ABLIM1: variants seen among roughly 807,000 people sequenced by gnomAD.
ABLIM1 encodes actin-binding LIM protein 1.
ABLIM1 carries 40 observed loss-of-function variants against 107.0 expected under a neutral mutation model. That is an observed-to-expected ratio of 0.37 (90% confidence interval 0.29 to 0.49). The LOEUF (loss-of-function observed/expected upper bound fraction) is 0.49, where lower values mean the gene tolerates loss of function less well. Ranked by LOEUF, ABLIM1 falls within the 20% of genes least tolerant of loss-of-function variation. ABLIM1 has a pLI of 0.97. For synonymous variants in ABLIM1, 357 were observed against 357.3 expected (o/e 1.00, Z 0.01); for missense variants, 857 against 1,008.5 (o/e 0.85, Z 2.04).
the ABLIM1 span, among the ~76,000 whole-genome samples, chr10:114,773,705 G>A: frequency 1.3e-5 from 2 of 152,168 alleles, no homozygotes; most frequent in Non-Finnish European, 2.9e-5. Context: ...CTGGGCTACA[G>A]AGAGAGACTC....
intron 8 of ABLIM1, among the ~76,000 whole-genome samples, chr10:114,476,128 C>A (rs1050003117): frequency 1.2e-4 from 18 of 152,134 alleles, no homozygotes; most frequent in Non-Finnish European, 1.9e-4. Context: ...CAGCCAATGC[C>A]CCTGGTATCT....
chr10:114,437,404 C>T (rs1057412451), intron 22 of ABLIM1, among the ~76,000 whole-genome samples: 1 of 151,386 alleles, frequency 6.6e-6, no homozygotes, highest in Non-Finnish European at 1.5e-5. Context: ...TTGCAACCTC[C>T]ACCTCCTGGA....
chr10:114,614,591 C>T (rs1026433882), intron 1 of ABLIM1, among the ~76,000 whole-genome samples: 7 of 152,154 alleles, frequency 4.6e-5, no homozygotes, highest in African/African-American at 1.7e-4. Context: ...CAGATCAATG[C>T]CCCACTCACA....
chr10:114,642,005 C>A (rs1190934791), intron 1 of ABLIM1, among the ~76,000 whole-genome samples: 1 of 152,122 alleles, frequency 6.6e-6, no homozygotes, highest in Non-Finnish European at 1.5e-5. Flanking sequence ...ACGTCAGCCT[C>A]CCAAGTAGCT....
chr10:114,587,913 C>A (rs2139478227), intron 2 of ABLIM1, among the ~76,000 whole-genome samples: 1 of 152,308 alleles, frequency 6.6e-6, no homozygotes, highest in African/African-American at 2.4e-5. Flanking sequence ...CACAAGTAAG[C>A]ACCTTGCTCT....
chr10:114,547,185 A>G (rs2067466893), intron 5 of ABLIM1, among the ~76,000 whole-genome samples: 1 of 151,298 alleles, frequency 6.6e-6, no homozygotes, highest in Non-Finnish European at 1.5e-5. Context: ...CACTTCCTTA[A>G]CTGTAGCTAT....
At chr10:114,439,967 C>T in intron 20 of ABLIM1, 115 bp downstream of exon 20, 1 of 1,548,154 alleles carries the variant, frequency 6.5e-7, no homozygotes, top group African/African-American at 1.4e-5. Flanking sequence ...CTAGAGAGAT[C>T]AACCACAACA....
At position 114,611,332 on chromosome 10, in the gene ABLIM1, TG is replaced by T. The variant is rs1364999388; in HGVS notation, c.245-9372del. On this transcript the variant is annotated intron_variant, in intron 1 of 22. Coordinates refer to ENST00000533213, the MANE Select transcript of ABLIM1 (RefSeq NM_002313.7). Reference sequence around the variant, plus strand: ...AAATACAAAAGTTAGCCAGGCATGATGGCAGGTGCCTGTACTCTAGATGGCA... The same window carrying T: ...AAATACAAAAGTTAGCCAGGCATGATGCAGGTGCCTGTACTCTAGATGGCA... 5.3e-5 allele frequency among the ~76,000 whole-genome samples: 8 copies of T among 152,100 alleles called. 1 individual carries two copies. Among genetic ancestry groups the T allele is most frequent in the South Asian group, 4.2e-4 (2 of 4,800 alleles).
intron 4 of ABLIM1, among the ~76,000 whole-genome samples, chr10:114,558,913 CTGTG>C (rs377741805): frequency 6.7e-6 from 1 of 149,112 alleles, no homozygotes; most frequent in South Asian, 2.1e-4. Context: ...GTGTGTGTGT[CTGTG>C]TGTGTGTGTG....
intron 7 of ABLIM1, among the ~76,000 whole-genome samples, chr10:114,489,522 AC>A (rs2058647464): frequency 6.6e-6 from 1 of 152,176 alleles, no homozygotes; most frequent in Non-Finnish European, 1.5e-5. Context: ...AAATAAACAA[AC>A]AAAAAATTCA....
intron 6 of ABLIM1, among the ~76,000 whole-genome samples, chr10:114,494,840 C>T (rs1448542465): frequency 6.6e-6 from 1 of 152,202 alleles, no homozygotes; most frequent in Non-Finnish European, 1.5e-5. Context: ...TCTCTCTAAT[C>T]CTCAGCTTCC....
At chr10:114,605,059 CTG>C (rs1172097116) in intron 1 of ABLIM1, among the ~76,000 whole-genome samples, 1 of 152,234 alleles carries the variant, frequency 6.6e-6, no homozygotes, top group Non-Finnish European at 1.5e-5. Flanking sequence ...ACAGACTAGA[CTG>C]TGTTTACTTG....
intron 6 of ABLIM1, among the ~76,000 whole-genome samples, chr10:114,527,963 G>A (rs1212335777): frequency 1.3e-5 from 2 of 151,320 alleles, no homozygotes; most frequent in East Asian, 1.9e-4. Flanking sequence ...TCAGCCTCCT[G>A]AGTAGCTGGG....
Position 114,464,600 on chromosome 10 carries a change from G to C in ABLIM1, c.1441+1098C>G, listed in dbSNP as rs547837610. ...ATGAAATAAAGGAAAAAAAATTCCTGAGAACTTTCATTTAATGTAATTCAA... is the reference window on the plus strand; with the variant it reads ...ATGAAATAAAGGAAAAAAAATTCCTCAGAACTTTCATTTAATGTAATTCAA... On this transcript the variant is annotated intron_variant, in intron 12 of 22. Coordinates refer to ENST00000533213, the MANE Select transcript of ABLIM1 (RefSeq NM_002313.7). 9.3e-4 allele frequency among the ~76,000 whole-genome samples: 142 copies of C among 152,286 alleles called. 1 individual carries two copies. The South Asian group carries it at 0.028, about 30-fold the overall frequency.
chr10:114,448,094 T>C, intron 14 of ABLIM1, 74 bp from the exon 15 acceptor site: 1 of 1,581,354 alleles, frequency 6.3e-7, no homozygotes, highest in Non-Finnish European at 8.6e-7. Context: ...CCCACTTACA[T>C]AGTTTTCTTG....
intron 2 of ABLIM1, among the ~76,000 whole-genome samples, chr10:114,601,049 TACACACACACACACACACAC>T (rs59709817): frequency 0.32 from 41,632 of 128,498 alleles, 7,354 homozygotes; most frequent in Non-Finnish European, 0.41. Flanking sequence ...CACATCTCAA[TACACACACACACACACACAC>T]ACACACACAC....
At chr10:114,691,825 G>A (rs1403296422) in intron 1 of ABLIM1, among the ~76,000 whole-genome samples, 1 of 151,586 alleles carries the variant, frequency 6.6e-6, no homozygotes, top group Non-Finnish European at 1.5e-5. Flanking sequence ...TCCACACATA[G>A]CTTCACCCCC....
intron 2 of ABLIM1, among the ~76,000 whole-genome samples, chr10:114,580,197 A>C (rs2073183465): frequency 6.8e-6 from 1 of 146,128 alleles, no homozygotes; most frequent in African/African-American, 2.5e-5. Flanking sequence ...AATATTATAT[A>C]TTATATATTA....
chr10:114,620,729 A>C (rs1019056503), intron 1 of ABLIM1, among the ~76,000 whole-genome samples: 1 of 152,146 alleles, frequency 6.6e-6, no homozygotes, highest in Non-Finnish European at 1.5e-5. Context: ...ATATTTTTTA[A>C]AGAGAAAGTG....
Sources: allele counts gnomAD v4.1 joint callset (sites outside exome capture counted in the v4.1 genomes callset), GRCh38; gene constraint gnomAD v4.1.1; transcripts MANE v1.5; gene names NCBI Gene and HGNC (gene_info 2026-07-23, HGNC 2026-07-21).